MAST4: variants seen among roughly 807,000 people sequenced by gnomAD.
MAST4 encodes the protein microtubule-associated serine/threonine-protein kinase 4.
A neutral mutation model predicts 162.7 loss-of-function variants in MAST4; 89 were observed. That is an observed-to-expected ratio of 0.55 (90% CI 0.46 to 0.65). The LOEUF (loss-of-function observed/expected upper bound fraction) is 0.65, where lower values mean the gene tolerates loss of function less well. Ranked by LOEUF, MAST4 falls within the 30% of genes least tolerant of loss-of-function variation. The pLI is 0.00. For synonymous variants in MAST4, 1,479 were observed against 1,361.1 expected, an observed-to-expected ratio of 1.09 and a Z score of -1.91; for missense variants, 3,153 against 3,374.0, an observed-to-expected ratio of 0.93 and a Z score of 1.62.
At chr5:66,963,241 G>A (rs1162071790) in intron 4 of MAST4, among the ~76,000 whole-genome samples, 1 of 152,162 alleles carries the variant, frequency 6.6e-6, no homozygotes, top group Non-Finnish European at 1.5e-5. Context: ...TTGGGTCTTT[G>A]TTATAAGGAA....
In MAST4 at chr5:67,149,560, C is replaced by T. The variant is rs757191064; in HGVS notation, c.3266C>T (p.Ala1089Val). The change falls in exon 24 of 29, where the codon GCC becomes GTC. Residue 1089 changes from alanine to valine, a missense_variant. Ala to Val is a moderately conservative substitution (Grantham distance 64, BLOSUM62 0). Coordinates refer to ENST00000403625, the MANE Select transcript of MAST4 (RefSeq NM_001164664.2). ...ISGKVTKSLS[A>V]SALSLMIPGD... is the part of the protein sequence containing the mutation. Reference sequence around the variant, plus strand: ...GGGAAAGTCACAAAGTCCCTCTCTGCCAGTGCTCTTTCCCTCATGATCCCA... The same window carrying T: ...GGGAAAGTCACAAAGTCCCTCTCTGTCAGTGCTCTTTCCCTCATGATCCCA... 3.7e-6 allele frequency: 6 copies of T among 1,613,736 alleles called. No individual in the cohort carries two copies. The highest frequency in any genetic ancestry group is 5.1e-6 in the Non-Finnish European group (6 of 1,179,782).
chr5:66,597,094 A>T (rs1742230916), intron 1 of MAST4, 76 bp downstream of exon 1: 2 of 1,310,880 alleles, frequency 1.5e-6, no homozygotes, highest in South Asian at 4.3e-5. Flanking sequence ...GCGCACAGGC[A>T]GTGGGCAGGA....
chr5:67,056,531 C>T (rs1244179879), intron 5 of MAST4, among the ~76,000 whole-genome samples: 1 of 152,166 alleles, frequency 6.6e-6, no homozygotes, highest in Admixed American at 6.5e-5. Context: ...TGATTTTCTT[C>T]ACTTCTAATA....
chr5:66,975,997 A>G (rs2150218799), intron 4 of MAST4, among the ~76,000 whole-genome samples: 1 of 148,844 alleles, frequency 6.7e-6, no homozygotes, highest in Admixed American at 6.6e-5. Flanking sequence ...GACTCCATCT[A>G]AAAAAAAATG....
At position 66,666,187 on chromosome 5, in the gene MAST4, G is replaced by A. The variant is rs1747246506; in HGVS notation, c.363+69169G>A. On this transcript the variant is annotated intron_variant, in intron 1 of 28. Coordinates refer to ENST00000403625, the MANE Select transcript of MAST4 (RefSeq NM_001164664.2). ...TTAGTCTTACATTTGCCAAGACCAC[G>A]TTTACAAAGGTGCTTTTGATTGAGC... Among the ~76,000 whole-genome samples, 3 of 152,140 alleles carry A rather than the reference G, an allele frequency of 2.0e-5. No homozygotes were observed. In the South Asian group the frequency reaches 6.2e-4, roughly 31 times the overall value.
At chr5:67,029,828 G>A (rs1438692699) in intron 4 of MAST4, among the ~76,000 whole-genome samples, 2 of 152,138 alleles carry the variant, frequency 1.3e-5, no homozygotes, top group Non-Finnish European at 2.9e-5. Flanking sequence ...ATTCATTGCT[G>A]TTGACTTTAT....
intron 19 of MAST4, among the ~76,000 whole-genome samples, chr5:67,138,742 T>A (rs1362857423): frequency 6.6e-6 from 1 of 152,200 alleles, no homozygotes; most frequent in East Asian, 1.9e-4. Context: ...CCCCATCATA[T>A]ATGTTTTAAT....
chr5:66,896,920 C>A (rs1762719275), intron 3 of MAST4, among the ~76,000 whole-genome samples: 1 of 152,236 alleles, frequency 6.6e-6, no homozygotes, highest in African/African-American at 2.4e-5. Flanking sequence ...GATTCTCAGA[C>A]AAGATTAATT....
intron 15 of MAST4, 102 bp from the exon 16 acceptor site, chr5:67,131,711 C>G (rs1768990164): frequency 8.5e-7 from 1 of 1,172,058 alleles, no homozygotes; most frequent in African/African-American, 1.5e-5. Context: ...TATGCTGTGT[C>G]TATGGGTAGA....
chr5:66,680,046 G>A (rs111336230), intron 1 of MAST4, among the ~76,000 whole-genome samples: 1,546 of 152,178 alleles, frequency 0.01, 13 homozygotes, highest in Non-Finnish European at 0.014. Flanking sequence ...GCAGCTTGAA[G>A]AAAAAAGGAG....
chr5:67,094,316 T>C (rs1468295809), intron 6 of MAST4, among the ~76,000 whole-genome samples: 1 of 152,232 alleles, frequency 6.6e-6, no homozygotes, highest in Non-Finnish European at 1.5e-5. Flanking sequence ...AAATTTAGGC[T>C]AAAATGTCAG....
At position 67,165,911 on chromosome 5, in the gene MAST4, G is replaced by T; in HGVS notation, c.6732G>T (p.Lys2244Asn). 6.2e-7 allele frequency: 1 copy of T among 1,613,398 alleles called. No individual in the cohort carries two copies. The highest frequency in any genetic ancestry group is 8.5e-7 in the Non-Finnish European group (1 of 1,179,886). Residue 2244 changes from lysine to asparagine, a missense_variant, in exon 29 of 29, where the codon AAG becomes AAT. Around this residue, in one of 7 missense-constraint regions of MAST4, gnomAD observed 1,644 missense variants for 1,495.0 expected, o/e 1.10. Coordinates refer to ENST00000403625, the MANE Select transcript of MAST4 (RefSeq NM_001164664.2). ...GSSREGKGHS[K>N]SGPDVFPATP... ...GCAGAGAGGGGAAGGGCCACAGTAA[G>T]AGTGGGCCGGATGTGTTTCCTGCTA... is the stretch of plus-strand genomic sequence containing the variant.
intron 1 of MAST4, among the ~76,000 whole-genome samples, chr5:66,638,962 G>C (rs1745304888): frequency 6.6e-6 from 1 of 152,144 alleles, no homozygotes; most frequent in Admixed American, 6.5e-5. Context: ...TACATGTTAA[G>C]TTTGGGATAG....
intron 1 of MAST4, among the ~76,000 whole-genome samples, chr5:66,676,677 T>A (rs931396827): frequency 1.3e-5 from 2 of 152,220 alleles, no homozygotes; most frequent in African/African-American, 4.8e-5. Flanking sequence ...TTTTCTTAAT[T>A]GGCGCCAGGC....
Position 67,165,214 on chromosome 5 carries a change from C to T in MAST4, c.6035C>T (p.Ser2012Phe). The change falls in exon 29 of 29, where the codon TCC (serine) becomes TTC (phenylalanine). Residue 2012 changes from serine (S) to phenylalanine (F), a missense_variant. Transcript: ENST00000403625. ...GAAACTGCGAAAACCAGTGACAACT[C>T]CAAAAATCTCCTCTCTGTGGGAAGG... is the stretch of plus-strand genomic sequence containing the variant. The part of the protein sequence containing the change: ...FPETAKTSDN[S>F]KNLLSVGRTH... 1.9e-6 allele frequency: 3 copies of T among 1,611,338 alleles called. No individual in the cohort carries two copies. Among genetic ancestry groups the T allele is most frequent in the Non-Finnish European group, 2.5e-6 (3 of 1,178,780 alleles).
intron 4 of MAST4, among the ~76,000 whole-genome samples, chr5:66,913,451 C>T (rs1763905002): frequency 6.6e-6 from 1 of 152,188 alleles, no homozygotes; most frequent in Non-Finnish European, 1.5e-5. Context: ...TAGCATATGT[C>T]AATCATTTAT....
intron 3 of MAST4, among the ~76,000 whole-genome samples, chr5:66,887,800 C>G (rs990113190): frequency 1.3e-5 from 2 of 152,188 alleles, no homozygotes; most frequent in African/African-American, 4.8e-5. Context: ...CTAGTTTTCA[C>G]AGTGGTGATG....
At chr5:66,678,289 C>A (rs1464388003) in intron 1 of MAST4, among the ~76,000 whole-genome samples, 1 of 151,876 alleles carries the variant, frequency 6.6e-6, no homozygotes, top group Non-Finnish European at 1.5e-5. Flanking sequence ...AGAAGTTGGT[C>A]AAAGGGTACA....
rs556739698 is a variant in MAST4 at position 66,596,401 on chromosome 5, G to A, written c.-255G>A. The A allele has an allele frequency of 1.8e-5, 7 of 386,036 alleles. No homozygotes were observed. Among genetic ancestry groups the A allele is most frequent in the Non-Finnish European group, 2.7e-5 (6 of 220,374 alleles). The allele number at this position is 386,036 out of a possible 1,614,324, so 23.9% of individuals were successfully genotyped here. On this transcript the variant is annotated 5_prime_UTR_variant, in exon 1 of 29. Coordinates refer to ENST00000403625, the MANE Select transcript of MAST4 (RefSeq NM_001164664.2). ...GGGTGCAGCGCGGGAGCACAGTGGA[G>A]CGCAGATCGCGGACCCGAGCGGGCA...
Sources: allele counts gnomAD v4.1 joint callset (sites outside exome capture counted in the v4.1 genomes callset), GRCh38; gene constraint gnomAD v4.1.1; regional missense constraint gnomAD v4.1.1; transcripts MANE v1.5; gene names NCBI Gene and HGNC (gene_info 2026-07-23, HGNC 2026-07-21).